DES: variants seen among roughly 807,000 people sequenced by gnomAD.
DES encodes the protein desmin, also known as cardiomyopathy, dilated 1F (autosomal dominant).
A neutral mutation model predicts 55.1 loss-of-function variants in DES; 34 were observed. The ratio of observed to expected loss-of-function variants is 0.62; its 90% CI spans 0.47 to 0.82. The LOEUF (loss-of-function observed/expected upper bound fraction) is 0.82. Among genes scored for constraint, DES ranks in the 40% least tolerant of loss-of-function variants. The pLI, the probability that DES is intolerant of heterozygous loss-of-function variation, is 0.00. For missense variants in DES, 596 were observed against 645.9 expected (o/e 0.92, Z 0.84); for synonymous variants, 259 against 270.8 (o/e 0.96, Z 0.43).
At chr2:219,421,595 C>T (rs778793266) in intron 6 of DES, 35 bp downstream of exon 6, 13 of 1,600,542 alleles carry the variant, frequency 8.1e-6, no homozygotes, top group South Asian at 2.2e-5. Context: ...GTGGGAGGTG[C>T]GGGGTGCTGG....
At position 219,420,774 on chromosome 2, in the gene DES, C is replaced by T. The variant is rs889828698; in HGVS notation, c.898-54C>T. 34 of 1,613,412 alleles carry T rather than the reference C, an allele frequency of 2.1e-5. No homozygotes were observed. The highest frequency in any genetic ancestry group is 2.7e-5 in the Non-Finnish European group (32 of 1,179,968). On this transcript the variant is annotated intron_variant, in intron 4 of 8. Transcript: ENST00000373960. This position sits in a 1 kb window ranked among gnomAD's most constrained non-coding sequence, Gnocchi z 6.0. Reference sequence around the variant, plus strand: ...AGAGGCTTCATGCTCCCTTGCTCATCCCTACCCGTGCCCTGCATCCTTCTC... The same window carrying T: ...AGAGGCTTCATGCTCCCTTGCTCATTCCTACCCGTGCCCTGCATCCTTCTC...
chr2:219,423,909 G>T, intron 7 of DES, 89 bp downstream of exon 7: 1 of 1,405,936 alleles, frequency 7.1e-7, no homozygotes, highest in South Asian at 1.2e-5. Flanking sequence ...GAGGGAGGAT[G>T]GGACCCTGGG....
At position 219,420,115 on chromosome 2, in the gene DES, TG is replaced by T. The variant is rs727504448; in HGVS notation, c.600del (p.Lys201ArgfsTer20). 3.1e-6 allele frequency: 5 copies of T among 1,614,088 alleles called. No individual in the cohort carries two copies. Among genetic ancestry groups the T allele is most frequent in the Non-Finnish European group, 4.2e-6 (5 of 1,180,038 alleles). On this transcript the variant is annotated frameshift_variant, in exon 2 of 9. Coordinates refer to ENST00000373960, the MANE Select transcript of DES (RefSeq NM_001927.4). LOFTEE classifies it high-confidence loss of function. This position sits in a 1 kb window ranked among gnomAD's most constrained non-coding sequence, Gnocchi z 6.0. ...LKAKLQEEIQ[L>X]KEEAENNLAA... ...CCCAGGCTGCAGGAGGAGATTCAGTTGAAGGAAGAAGCAGAGAACAATTTGG... is the reference window on the plus strand; with the variant it reads ...CCCAGGCTGCAGGAGGAGATTCAGTTAAGGAAGAAGCAGAGAACAATTTGG...
rs267607490 is a variant in DES at position 219,425,734 on chromosome 2, C to T, written c.1360C>T (p.Arg454Trp). ...GGTGATGATCAAGACCATCGAGACA[C>T]GGGATGGGGAGGTAAGTGGTCTGTC... ...KTVMIKTIET[R>W]DGEVVSEATQ... The change falls in exon 8 of 9, where the codon CGG (arginine) becomes TGG (tryptophan). Residue 454 changes from arginine to tryptophan, a missense_variant. Arg to Trp is a moderately radical substitution (Grantham distance 101, BLOSUM62 -3). Transcript: ENST00000373960. The T allele has an allele frequency of 6.2e-7, 1 of 1,604,354 alleles. No homozygotes were observed. The highest frequency in any genetic ancestry group is 2.2e-5 in the East Asian group (1 of 44,598).
At chr2:219,421,635 A>G (rs1434748920) in intron 6 of DES, 75 bp downstream of exon 6, 1 of 1,384,112 alleles carries the variant, frequency 7.2e-7, no homozygotes, top group Non-Finnish European at 1.0e-6. Context: ...AGGAGGCTCG[A>G]GATTACTGAT....
rs796115330 is a variant in DES, at chr2:219,421,509, T to C, written c.1193T>C (p.Leu398Pro). ...YQDLLNVKMA[L>P]DVEIATYRKL... Reference sequence around the variant, plus strand: ...GACCTGCTCAACGTGAAGATGGCCCTGGATGTGGAGATTGCCACCTACCGG... The same window carrying C: ...GACCTGCTCAACGTGAAGATGGCCCCGGATGTGGAGATTGCCACCTACCGG... Residue 398 changes from leucine (L) to proline (P), a missense_variant, in exon 6 of 9, where the codon CTG (leucine) becomes CCG (proline). By Grantham distance (98) the Leu-to-Pro change is moderately conservative (BLOSUM62 -3). Coordinates refer to ENST00000373960, the MANE Select transcript of DES (RefSeq NM_001927.4). 2 of 1,614,060 alleles carry C rather than the reference T, an allele frequency of 1.2e-6. No homozygotes were observed. Among genetic ancestry groups the C allele is most frequent in the Non-Finnish European group, 1.7e-6 (2 of 1,179,998 alleles).
chr2:219,418,973 A>T lies in DES; in HGVS notation c.511A>T (p.Asn171Tyr). 1 of 1,554,160 alleles carries T rather than the reference A, an allele frequency of 6.4e-7. No homozygotes were observed. Among genetic ancestry groups the T allele is most frequent in the Non-Finnish European group, 8.7e-7 (1 of 1,149,276 alleles). Residue 171 changes from asparagine (N) to tyrosine (Y), a missense_variant, in exon 1 of 9, where the codon AAC (asparagine) becomes TAC (tyrosine). Asn to Tyr is a moderately radical substitution (Grantham distance 143). Coordinates refer to ENST00000373960, the MANE Select transcript of DES (RefSeq NM_001927.4). ...GCGGCGCCAGGTGGAGGTGCTCACT[A>T]ACCAGCGCGCGCGCGTCGACGTCGA... Reference protein sequence around the residue: ...ELRRQVEVLTNQRARVDVERD... With the variant: ...ELRRQVEVLTYQRARVDVERD...
intron 6 of DES, among the ~76,000 whole-genome samples, chr2:219,423,497 T>TG (rs1479155074): frequency 6.7e-6 from 1 of 148,230 alleles, no homozygotes; most frequent in Non-Finnish European, 1.5e-5. Context: ...TGGAGTGCAG[T>TG]GGTGCAATCT....
rs755107287 is a variant in DES at position 219,418,524 on chromosome 2, C to T, written c.62C>T (p.Ala21Val). 4 of 1,603,276 alleles carry T rather than the reference C, an allele frequency of 2.5e-6. No individual in the cohort carries two copies. Among genetic ancestry groups the T allele is most frequent in the Non-Finnish European group, 3.4e-6 (4 of 1,176,378 alleles). The change falls in exon 1 of 9, where the codon GCC becomes GTC. Residue 21 changes from alanine to valine, a missense_variant. Ala to Val is a moderately conservative substitution (Grantham distance 64, BLOSUM62 0). Transcript: ENST00000373960. Reference protein sequence around the residue: ...VSSYRRTFGGAPGFPLGSPLS... With the variant: ...VSSYRRTFGGVPGFPLGSPLS... ...TCCTACCGCCGCACCTTCGGCGGGG[C>T]CCCGGGCTTCCCACTCGGCTCCCCG... is the stretch of plus-strand genomic sequence containing the variant.
rs1295010624 is a variant in DES at position 219,420,131 on chromosome 2, G to C, written c.615G>C (p.Glu205Asp). Residue 205 changes from glutamate (E) to aspartate (D), a missense_variant, in exon 2 of 9, where the codon GAG (glutamate) becomes GAC (aspartate). Coordinates refer to ENST00000373960, the MANE Select transcript of DES (RefSeq NM_001927.4). The surrounding 1 kb of genome is among the most constrained non-coding windows in gnomAD (Gnocchi z 6.0). ...QEEIQLKEEA[E>D]NNLAAFRADV... ...AGATTCAGTTGAAGGAAGAAGCAGA[G>C]AACAATTTGGCTGCCTTCCGAGCGG... is the stretch of plus-strand genomic sequence containing the variant. 1 of 1,614,128 alleles carries C rather than the reference G, an allele frequency of 6.2e-7. No individual in the cohort carries two copies. Among genetic ancestry groups the C allele is most frequent in the Non-Finnish European group, 8.5e-7 (1 of 1,180,052 alleles).
At chr2:219,423,316 C>G (rs1954476732) in intron 6 of DES, among the ~76,000 whole-genome samples, 1 of 152,172 alleles carries the variant, frequency 6.6e-6, no homozygotes, top group Non-Finnish European at 1.5e-5. Flanking sequence ...GCCTTCGACC[C>G]CATTCCTTGA....
At position 219,426,149 on chromosome 2, in the gene DES, C is replaced by A. The variant is rs1429151421; in HGVS notation, c.*159C>A. On this transcript the variant is annotated 3_prime_UTR_variant, in exon 9 of 9. Coordinates refer to ENST00000373960, the MANE Select transcript of DES (RefSeq NM_001927.4). The surrounding 1 kb of genome is among the most constrained non-coding windows in gnomAD (Gnocchi z 4.5). ...GGCCATCCCTCGTGGTCCCCAACAG[C>A]GACATAGCCCATCCCTGCCTGGTCA... 9 of 832,168 alleles carry A rather than the reference C, an allele frequency of 1.1e-5. No homozygotes were observed. The highest frequency in any genetic ancestry group is 1.8e-5 in the Non-Finnish European group (9 of 504,086). The allele number at this position is 832,168 out of a possible 1,614,324, so 51.5% of individuals were successfully genotyped here.
rs794728993 is a variant in DES, at chr2:219,418,775, C to A, written c.313C>A (p.Arg105Ser). The part of the protein sequence containing the change: ...DAVNQEFLTT[R>S]TNEKVELQEL... ...GGTGAACCAGGAGTTTCTGACCACG[C>A]GCACCAACGAGAAGGTGGAGCTGCA... The change falls in exon 1 of 9, where the codon CGC (arginine) becomes AGC (serine). Residue 105 changes from arginine (R) to serine (S), a missense_variant. Transcript: ENST00000373960. 6.4e-7 allele frequency: 1 copy of A among 1,563,562 alleles called. No individual in the cohort carries two copies. Among genetic ancestry groups the A allele is most frequent in the Non-Finnish European group, 8.7e-7 (1 of 1,153,290 alleles).
In DES at chr2:219,419,226, T is replaced by G. The variant is rs1374728209; in HGVS notation, c.578+186T>G. Reference sequence around the variant, plus strand: ...GCCGTGACCTCCAGGTCTCTCCCCCTGCGATCCCATCTTGCACAGGAGTTT... The same window carrying G: ...GCCGTGACCTCCAGGTCTCTCCCCCGGCGATCCCATCTTGCACAGGAGTTT... On this transcript the variant is annotated intron_variant, in intron 1 of 8. Transcript: ENST00000373960. This position sits in a 1 kb window ranked among gnomAD's most constrained non-coding sequence, Gnocchi z 4.3. Among the ~76,000 whole-genome samples, 1 of 152,190 alleles carries G rather than the reference T, an allele frequency of 6.6e-6. No homozygotes were observed. Among genetic ancestry groups the G allele is most frequent in the Non-Finnish European group, 1.5e-5 (1 of 68,002 alleles).
At chr2:219,421,877 G>T (rs1282072189) in intron 6 of DES, among the ~76,000 whole-genome samples, 8 of 152,004 alleles carry the variant, frequency 5.3e-5, no homozygotes, top group African/African-American at 1.9e-4. Flanking sequence ...ATGTTGGGCA[G>T]CTGGTCTCGA....
In DES at chr2:219,418,921, G is replaced by C. The variant is rs1257218945; in HGVS notation, c.459G>C (p.Glu153Asp). The change falls in exon 1 of 9, where the codon GAG becomes GAC. Residue 153 changes from glutamate to aspartate, a missense_variant. Transcript: ENST00000373960. The part of the protein sequence containing the change: ...LKGREPTRVA[E>D]LYEEELRELR... The stretch of plus-strand genomic sequence containing the variant: ...GCCGCGAGCCGACGCGAGTGGCCGA[G>C]CTCTACGAGGAGGAGCTGCGGGAGC... 1.9e-6 allele frequency: 3 copies of C among 1,562,000 alleles called. No individual in the cohort carries two copies. The highest frequency in any genetic ancestry group is 2.6e-6 in the Non-Finnish European group (3 of 1,152,990).
chr2:219,425,800 G>A (rs1954525076), intron 8 of DES, 55 bp downstream of exon 8: 1 of 1,605,664 alleles, frequency 6.2e-7, no homozygotes, highest in Non-Finnish European at 8.5e-7. Flanking sequence ...ATGTGTCTGG[G>A]GGGACTGTCT....
rs756897013 is a variant in DES, at chr2:219,420,465, A to T, written c.736-30A>T. 5.6e-6 allele frequency: 9 copies of T among 1,613,662 alleles called. No individual in the cohort carries two copies. Among genetic ancestry groups the T allele is most frequent in the Non-Finnish European group, 7.6e-6 (9 of 1,179,916 alleles). On this transcript the variant is annotated intron_variant, in intron 3 of 8. Coordinates refer to ENST00000373960, the MANE Select transcript of DES (RefSeq NM_001927.4). The surrounding 1 kb of genome is among the most constrained non-coding windows in gnomAD (Gnocchi z 6.0). ...GTGAGGGTGCTGTGTGGGCCCTGAGAGGGGACTGAAGCCCAGTCATGCCCT... is the reference window on the plus strand; with the variant it reads ...GTGAGGGTGCTGTGTGGGCCCTGAGTGGGGACTGAAGCCCAGTCATGCCCT...
At position 219,420,317 on chromosome 2, in the gene DES, A is replaced by G. The variant is rs1954412770; in HGVS notation, c.706A>G (p.Ile236Val). The G allele has an allele frequency of 1.4e-5, 23 of 1,614,082 alleles. No homozygotes were observed. The highest frequency in any genetic ancestry group is 1.9e-5 in the Non-Finnish European group (23 of 1,180,022). The stretch of plus-strand genomic sequence containing the variant: ...CAGAATTGAATCTCTCAACGAGGAG[A>G]TCGCGTTCCTTAAGAAAGTGCATGA... ...ERRIESLNEE[I>V]AFLKKVHEEE... The change falls in exon 3 of 9, where the codon ATC becomes GTC. Residue 236 changes from isoleucine to valine, a missense_variant. Coordinates refer to ENST00000373960, the MANE Select transcript of DES (RefSeq NM_001927.4). The surrounding 1 kb of genome is among the most constrained non-coding windows in gnomAD (Gnocchi z 6.0).
Sources: allele counts gnomAD v4.1 joint callset (sites outside exome capture counted in the v4.1 genomes callset), GRCh38; gene constraint gnomAD v4.1.1; non-coding constraint Gnocchi (gnomAD v3.1); transcripts MANE v1.5; gene names NCBI Gene and HGNC (gene_info 2026-07-23, HGNC 2026-07-21).